The following RNF213 variants were observed in gnomAD, a reference collection of about 807,000 sequenced individuals.
The protein encoded by RNF213 is E3 ubiquitin-protein ligase RNF213.
In RNF213, 341 loss-of-function variants were observed where a neutral mutation model predicts 514.4. The ratio of observed to expected loss-of-function variants is 0.66; its 90% CI spans 0.61 to 0.73. RNF213 has a LOEUF of 0.73. Ranked by LOEUF, RNF213 falls within the 30% of genes least tolerant of loss-of-function variation. The probability of loss-of-function intolerance (pLI) is 0.00; values close to 1 mark genes in which losing one functional copy is unlikely to be tolerated. For synonymous variants in RNF213, 2,655 were observed against 2,658.2 expected (o/e 1.00, Z 0.04); for missense variants, 5,767 against 6,615.6 (o/e 0.87, Z 4.45).
intron 3 of RNF213, chr17:80,278,677 C>A: frequency 6.7e-7 from 1 of 1,488,152 alleles, no homozygotes; most frequent in South Asian, 1.2e-5. Flanking sequence ...AGGAGGTGGC[C>A]CCTGAGGTGG....
chr17:80,279,468 C>G (rs1211410753), intron 3 of RNF213, among the ~76,000 whole-genome samples: 1 of 151,714 alleles, frequency 6.6e-6, no homozygotes, highest in Non-Finnish European at 1.5e-5. Flanking sequence ...TTCTTTCTTT[C>G]TTTCTTTTTT....
chr17:80,363,365 CCA>C lies in RNF213; in HGVS notation c.11568+53_11568+54del, dbSNP rs774912407. The C allele has an allele frequency of 3.2e-6, 5 of 1,556,752 alleles. No homozygotes were observed. The African/African-American group carries it at 6.8e-5, about 21-fold the overall frequency. ...AGCAAGCCTTGTGGTGCTTCCAACTCCACTCTGGGAATGGAGAGCTTCTGGGG... is the reference window on the plus strand; with the variant it reads ...AGCAAGCCTTGTGGTGCTTCCAACTCCTCTGGGAATGGAGAGCTTCTGGGG... On this transcript the variant is annotated intron_variant, in intron 40 of 67. Transcript: ENST00000582970.
intron 11 of RNF213, among the ~76,000 whole-genome samples, chr17:80,301,113 T>C (rs2045162022): frequency 6.6e-6 from 1 of 152,234 alleles, no homozygotes; most frequent in Admixed American, 6.5e-5. Context: ...TGTTGATAGT[T>C]TCTTTTGCTG....
chr17:80,298,419 T>C lies in RNF213; in HGVS notation c.2111T>C (p.Leu704Pro), dbSNP rs748678987. The C allele has an allele frequency of 6.2e-7, 1 of 1,614,192 alleles. No homozygotes were observed. Among genetic ancestry groups the C allele is most frequent in the Non-Finnish European group, 8.5e-7 (1 of 1,180,034 alleles). The change falls in exon 11 of 68, where the codon CTG (leucine) becomes CCG (proline). Residue 704 changes from leucine to proline, a missense_variant. Leu to Pro is a moderately conservative substitution (Grantham distance 98, BLOSUM62 -3). Coordinates refer to ENST00000582970, the MANE Select transcript of RNF213 (RefSeq NM_001256071.3). ...CCTGTCCTGCACTGCTGTATGGAGC[T>C]GGCCCCGCGGCACAAGGATGCCTGG... ...ALPVLHCCME[L>P]APRHKDAWRQ...
intron 63 of RNF213, 70 bp from the exon 64 acceptor site, chr17:80,388,542 C>T: frequency 1.9e-6 from 2 of 1,066,068 alleles, no homozygotes; most frequent in South Asian, 2.5e-5. Flanking sequence ...GCTGCAGATT[C>T]TGTTTGTCAT....
chr17:80,263,863 G>A lies in RNF213; in HGVS notation c.97+85G>A. 8.3e-7 allele frequency: 1 copy of A among 1,205,410 alleles called. No individual in the cohort carries two copies. The highest frequency in any genetic ancestry group is 1.2e-6 in the Non-Finnish European group (1 of 815,976). The allele number at this position is 1,205,410 out of a possible 1,614,324, so 74.7% of individuals were successfully genotyped here. ...CTCCCTTCCAGGAAATGGAAACCCT[G>A]GGCAGCAGGCAGCTCAGGTGGGGCC... is the stretch of plus-strand genomic sequence containing the variant. On this transcript the variant is annotated intron_variant, in intron 2 of 67. Transcript: ENST00000582970. The surrounding 1 kb of genome is among the most constrained non-coding windows in gnomAD (Gnocchi z 4.9).
At chr17:80,266,139 G>C (rs143186348) in intron 2 of RNF213, among the ~76,000 whole-genome samples, 73 of 152,150 alleles carry the variant, frequency 4.8e-4, no homozygotes, top group African/African-American at 1.7e-3. Context: ...GCTGAAACAT[G>C]GATCAAAAGG....
Position 80,372,620 on chromosome 17 carries a change from C to T in RNF213, c.12637C>T (p.Arg4213Trp), listed in dbSNP as rs150095282. The T allele has an allele frequency of 1.9e-5, 31 of 1,613,932 alleles. No homozygotes were observed. Among genetic ancestry groups the T allele is most frequent in the Middle Eastern group, 1.6e-4 (1 of 6,084 alleles). The change falls in exon 48 of 68, where the codon CGG (arginine) becomes TGG (tryptophan). Residue 4213 changes from arginine to tryptophan, a missense_variant. Physicochemically the swap from Arg to Trp is moderately radical, Grantham distance 101 (BLOSUM62 -3). Transcript: ENST00000582970. Reference protein sequence around the residue: ...RFLKAYSPASRGREPANEASV... With the variant: ...RFLKAYSPASWGREPANEASV... ...CCTTAAGGCATATTCTCCAGCAAGC[C>T]GGGGCCGAGAGCCTGCCAACGAGGC...
At chr17:80,327,680 G>A in intron 18 of RNF213, 136 bp from the exon 19 acceptor site, 1 of 710,024 alleles carries the variant, frequency 1.4e-6, no homozygotes, top group Non-Finnish European at 2.3e-6. Context: ...TGGCGCATCT[G>A]GAGACACTGG....
intron 11 of RNF213, among the ~76,000 whole-genome samples, chr17:80,302,137 G>A (rs1215869290): frequency 1.3e-5 from 2 of 152,292 alleles, no homozygotes; most frequent in African/African-American, 4.8e-5. Flanking sequence ...GGAAGGATGG[G>A]GAGAGGGCTA....
chr17:80,311,538 G>A (rs1009098925), intron 14 of RNF213, among the ~76,000 whole-genome samples: 11 of 152,184 alleles, frequency 7.2e-5, no homozygotes, highest in Non-Finnish European at 4.4e-5. Context: ...CCCCCTCTGC[G>A]GGCTCTCTTT....
At chr17:80,365,419 G>T (rs1243940734) in intron 42 of RNF213, 3 of 107,898 alleles carry the variant, frequency 2.8e-5, no homozygotes, top group African/African-American at 1.2e-4. Context: ...CTGGCACGGA[G>T]TCAGGTGCCC....
intron 63 of RNF213, among the ~76,000 whole-genome samples, chr17:80,387,217 C>T (rs1312179919): frequency 1.3e-5 from 2 of 152,234 alleles, no homozygotes; most frequent in Non-Finnish European, 2.9e-5. Context: ...GCGATCCTCT[C>T]ACATCAGCTT....
chr17:80,380,636 C>A (rs542845551), intron 55 of RNF213, among the ~76,000 whole-genome samples, 195 bp from the exon 56 acceptor site: 2 of 152,284 alleles, frequency 1.3e-5, no homozygotes, highest in South Asian at 4.1e-4. Context: ...AGAATGCGGT[C>A]GGGTCTGGTC....
intron 3 of RNF213, among the ~76,000 whole-genome samples, chr17:80,277,059 A>G (rs1454238804): frequency 1.3e-5 from 2 of 151,824 alleles, no homozygotes; most frequent in East Asian, 3.9e-4. Flanking sequence ...CACTCTCAAA[A>G]CAAAGCAAAC....
At position 80,386,756 on chromosome 17, in the gene RNF213, G is replaced by C; in HGVS notation, c.14787G>C (p.Leu4929=). 6.2e-7 allele frequency: 1 copy of C among 1,614,168 alleles called. No individual in the cohort carries two copies. The highest frequency in any genetic ancestry group is 8.5e-7 in the Non-Finnish European group (1 of 1,179,984). ...TCAGTTATGAAGTGGAGCGGGACCT[G>C]ACTCCACTGATTCTCTCCAACTGCC... ...HVISYEVERD[L]TPLILSNCQY... The change falls in exon 63 of 68, where the codon CTG becomes CTC. Residue 4929 remains leucine, a synonymous_variant. Coordinates refer to ENST00000582970, the MANE Select transcript of RNF213 (RefSeq NM_001256071.3).
At chr17:80,380,753 A>G in intron 55 of RNF213, 78 bp from the exon 56 acceptor site, 4 of 1,533,742 alleles carry the variant, frequency 2.6e-6, no homozygotes, top group Non-Finnish European at 3.6e-6. Flanking sequence ...CGTAAGCCTC[A>G]CTCCAAGTGC....
chr17:80,291,902 C>T, intron 8 of RNF213, 75 bp downstream of exon 8: 2 of 1,507,242 alleles, frequency 1.3e-6, no homozygotes, highest in South Asian at 2.3e-5. Context: ...GGACGCGTCT[C>T]TCTGGAGAGC....
At chr17:80,319,410 C>T (rs2046061592) in intron 17 of RNF213, 98 bp downstream of exon 17, 1 of 1,614,228 alleles carries the variant, frequency 6.2e-7, no homozygotes, top group Non-Finnish European at 8.5e-7. Context: ...GGTCTCAGCT[C>T]CTCCGCTAAC....
Sources: allele counts gnomAD v4.1 joint callset (sites outside exome capture counted in the v4.1 genomes callset), GRCh38; gene constraint gnomAD v4.1.1; non-coding constraint Gnocchi (gnomAD v3.1); transcripts MANE v1.5; gene names NCBI Gene and HGNC (gene_info 2026-07-23, HGNC 2026-07-21).